TRIM71: variants seen among roughly 807,000 people sequenced by gnomAD.
TRIM71 encodes the protein tripartite motif containing 71.
TRIM71 carries 9 observed loss-of-function variants against 61.2 expected under a neutral mutation model. The observed-to-expected ratio is 0.15, with a 90% CI of 0.09 to 0.26. TRIM71 has a LOEUF of 0.26. Ranked by LOEUF, TRIM71 falls within the 10% of genes least tolerant of loss-of-function variation. The pLI, the probability that TRIM71 is intolerant of heterozygous loss-of-function variation, is 1.00. For missense variants in TRIM71, 998 were observed against 1,238.7 expected (o/e 0.81, Z 2.92); for synonymous variants, 645 against 553.2 (o/e 1.17, Z -2.33).
chr3:32,860,950 A>C (rs1054341757), intron 1 of TRIM71, among the ~76,000 whole-genome samples: 9 of 151,736 alleles, frequency 5.9e-5, no homozygotes, highest in African/African-American at 2.2e-4. Context: ...CGAGGCAGGC[A>C]GATCGCTTGA....
chr3:32,818,226 C>T lies in TRIM71; in HGVS notation c.146C>T (p.Pro49Leu), dbSNP rs1470340472. 1 of 1,519,700 alleles carries T rather than the reference C, an allele frequency of 6.6e-7. No individual in the cohort carries two copies. The highest frequency in any genetic ancestry group is 8.7e-7 in the Non-Finnish European group (1 of 1,143,442). 94.1% of individuals were successfully genotyped at this position (1,519,700 alleles called of 1,614,324 possible). Residue 49 changes from proline to leucine, a missense_variant, in exon 1 of 4, where the codon CCT becomes CTT. Physicochemically the swap from Pro to Leu is moderately conservative, Grantham distance 98. Coordinates refer to ENST00000383763, the MANE Select transcript of TRIM71 (RefSeq NM_001039111.3). ...STSSGGGGGG[P>L]GAAARRLHVL... ...TCGTCGGGGGGCGGCGGCGGGGGCC[C>T]TGGGGCGGCGGCGCGCCGCCTACAC... is the stretch of plus-strand genomic sequence containing the variant.
At chr3:32,873,096 C>CCTCCCTCCCT (rs1696815570) in intron 1 of TRIM71, among the ~76,000 whole-genome samples, 1 of 147,058 alleles carries the variant, frequency 6.8e-6, no homozygotes, top group African/African-American at 2.5e-5. Context: ...TCCCTCCCTC[C>CCTCCCTCCCT]CAGCGTGCTG....
intron 2 of TRIM71, among the ~76,000 whole-genome samples, chr3:32,884,796 G>A (rs924634832): frequency 5.3e-5 from 8 of 152,118 alleles, no homozygotes; most frequent in Non-Finnish European, 1.2e-4. Context: ...CACAATGGCT[G>A]AACTTTTGTC....
intron 3 of TRIM71, among the ~76,000 whole-genome samples, chr3:32,886,690 C>G (rs57325858): frequency 3.2e-3 from 480 of 152,336 alleles, no homozygotes; most frequent in African/African-American, 0.011. Context: ...ACTATAATTA[C>G]ATTCTCTGAA....
rs1282282275 is a variant in TRIM71 at position 32,818,401 on chromosome 3, C to A, written c.321C>A (p.Asp107Glu). The A allele has an allele frequency of 6.8e-7, 1 of 1,478,286 alleles. No individual in the cohort carries two copies. Among genetic ancestry groups the A allele is most frequent in the Non-Finnish European group, 8.9e-7 (1 of 1,118,910 alleles). The allele number at this position is 1,478,286 out of a possible 1,614,324, so 91.6% of individuals were successfully genotyped here. Residue 107 changes from aspartate (D) to glutamate (E), a missense_variant, in exon 1 of 4, where the codon GAC becomes GAA. Asp to Glu is a conservative substitution (Grantham distance 45, BLOSUM62 2). Transcript: ENST00000383763. ...KVVLAEAAGM[D>E]ALPSSAFLLS... ...TGCTAGCCGAGGCGGCGGGTATGGACGCGCTGCCTTCGTCCGCCTTCCTGC... is the reference window on the plus strand; with the variant it reads ...TGCTAGCCGAGGCGGCGGGTATGGAAGCGCTGCCTTCGTCCGCCTTCCTGC...
At chr3:32,877,549 C>T (rs1449678928) in intron 2 of TRIM71, among the ~76,000 whole-genome samples, 1 of 151,936 alleles carries the variant, frequency 6.6e-6, no homozygotes, top group African/African-American at 2.4e-5. Flanking sequence ...AGAGATGGGG[C>T]TCGCTTTGTT....
intron 1 of TRIM71, among the ~76,000 whole-genome samples, chr3:32,843,671 G>A (rs973755927): frequency 7.9e-5 from 12 of 152,136 alleles, no homozygotes; most frequent in African/African-American, 2.4e-4. Flanking sequence ...CTTAATGCCC[G>A]CCTGCGTGCT....
At chr3:32,862,503 C>T (rs532420209) in intron 1 of TRIM71, among the ~76,000 whole-genome samples, 7 of 152,272 alleles carry the variant, frequency 4.6e-5, no homozygotes, top group South Asian at 2.1e-4. Context: ...GTTTAAGAGG[C>T]GAGGACTGAG....
intron 3 of TRIM71, among the ~76,000 whole-genome samples, chr3:32,888,434 CAA>C (rs56834147): frequency 5.2e-5 from 5 of 95,838 alleles, no homozygotes; most frequent in African/African-American, 2.2e-4. Flanking sequence ...CCATCTCTAC[CAA>C]AAAAAAAAAA....
intron 1 of TRIM71, among the ~76,000 whole-genome samples, chr3:32,821,102 TAAA>T (rs1376922482): frequency 6.6e-6 from 1 of 152,208 alleles, no homozygotes; most frequent in Non-Finnish European, 1.5e-5. Flanking sequence ...ACCTACAGCT[TAAA>T]TAATTCCTTT....
intron 1 of TRIM71, among the ~76,000 whole-genome samples, chr3:32,849,799 C>T (rs1361333702): frequency 6.6e-6 from 1 of 152,120 alleles, no homozygotes; most frequent in East Asian, 1.9e-4. Flanking sequence ...TTGTCAAGAA[C>T]CCCTTTAAGA....
intron 3 of TRIM71, among the ~76,000 whole-genome samples, chr3:32,888,035 G>T (rs1313536075): frequency 6.6e-6 from 1 of 152,144 alleles, no homozygotes; most frequent in Admixed American, 6.5e-5. Context: ...AAATTGCTTA[G>T]AATTAGAGAA....
chr3:32,845,232 G>A (rs1696458350), intron 1 of TRIM71, among the ~76,000 whole-genome samples: 1 of 152,196 alleles, frequency 6.6e-6, no homozygotes, highest in Non-Finnish European at 1.5e-5. Flanking sequence ...GTTTGTGGCT[G>A]TGTCTCCCAG....
At chr3:32,820,530 C>G (rs1696115678) in intron 1 of TRIM71, among the ~76,000 whole-genome samples, 1 of 152,140 alleles carries the variant, frequency 6.6e-6, no homozygotes, top group African/African-American at 2.4e-5. Flanking sequence ...ATCCCAGGAA[C>G]AGAAAAATGG....
At chr3:32,879,686 AAAC>A (rs1409766887) in intron 2 of TRIM71, among the ~76,000 whole-genome samples, 1 of 151,268 alleles carries the variant, frequency 6.6e-6, no homozygotes, top group East Asian at 2.0e-4. Context: ...AAAAAAAAAA[AAAC>A]TGGCTGAGTA....
At chr3:32,841,779 A>AC (rs575470450) in intron 1 of TRIM71, among the ~76,000 whole-genome samples, 1 of 151,878 alleles carries the variant, frequency 6.6e-6, no homozygotes, top group Non-Finnish European at 1.5e-5. Flanking sequence ...CCTAACTTGG[A>AC]CCCCCAGGAC....
rs140869509 is a variant in TRIM71, at chr3:32,875,922, C to T, written c.1020+1937C>T. On this transcript the variant is annotated intron_variant, in intron 2 of 3. Coordinates refer to ENST00000383763, the MANE Select transcript of TRIM71 (RefSeq NM_001039111.3). ...GATTTGATTTAATAAGTTTCTCAGC[C>T]GCTATCACATTCCCATGCATGATAC... is the stretch of plus-strand genomic sequence containing the variant. Among the ~76,000 whole-genome samples, 256 of 152,302 alleles carry T rather than the reference C, an allele frequency of 1.7e-3. 1 individual carries two copies. The highest frequency in any genetic ancestry group is 5.6e-3 in the African/African-American group (234 of 41,550).
At position 32,890,479 on chromosome 3, in the gene TRIM71, T is replaced by C. The variant is rs745690459; in HGVS notation, c.1275T>C (p.Gly425=). The C allele has an allele frequency of 1.2e-6, 2 of 1,613,842 alleles. No individual in the cohort carries two copies. The highest frequency in any genetic ancestry group is 2.7e-5 in the African/African-American group (2 of 74,860). Residue 425 remains glycine, a synonymous_variant, in exon 4 of 4, where the codon GGT becomes GGC. Transcript: ENST00000383763. The surrounding 1 kb of genome is among the most constrained non-coding windows in gnomAD (Gnocchi z 6.2). ...CCGTGCAGCAGGTCCTGGAGGAGGG[T>C]AGAGCGCTAGACATCCTACTGGCCC... ...ISAVQQVLEE[G]RALDILLARD...
In TRIM71 at chr3:32,895,548, AT is replaced by A. The variant is rs1438480636; in HGVS notation, c.*3738del. 8.5e-5 allele frequency: 13 copies of A among 152,234 alleles called. No homozygotes were observed. Among genetic ancestry groups the A allele is most frequent in the Admixed American group, 8.5e-4 (13 of 15,284 alleles). 9.4% of individuals were successfully genotyped at this position (152,234 alleles called of 1,614,324 possible). ...TCTGTTCTGGTAGGTGGTGAAAGAT[AT>A]GCCAAAGTTTTAGGCTTGTTTTTCT... On this transcript the variant is annotated 3_prime_UTR_variant, in exon 4 of 4. Coordinates refer to ENST00000383763, the MANE Select transcript of TRIM71 (RefSeq NM_001039111.3).
Sources: gnomAD v4.1 joint callset for allele counts (sites outside exome capture counted in the v4.1 genomes callset) on GRCh38, gnomAD v4.1.1 for gene constraint, Gnocchi (gnomAD v3.1) non-coding constraint, MANE v1.5 for transcripts, NCBI Gene and HGNC (gene_info 2026-07-23, HGNC 2026-07-21) for gene names.